Variants in TMEM117 observed in about 807,000 individuals in gnomAD.
The protein encoded by TMEM117 is transmembrane protein 117.
A neutral mutation model predicts 52.4 loss-of-function variants in TMEM117; 27 were observed. That is an observed-to-expected ratio of 0.51 (90% CI 0.38 to 0.71). The LOEUF (loss-of-function observed/expected upper bound fraction) is 0.71, where lower values mean the gene tolerates loss of function less well. Ranked by LOEUF, TMEM117 falls within the 30% of genes least tolerant of loss-of-function variation. The pLI is 0.00. For synonymous variants in TMEM117, 215 were observed against 206.3 expected (o/e 1.04, Z -0.36); for missense variants, 556 against 630.5 (o/e 0.88, Z 1.26).
At chr12:44,138,447 T>A (rs973947499) in intron 3 of TMEM117, among the ~76,000 whole-genome samples, 2 of 152,102 alleles carry the variant, frequency 1.3e-5, no homozygotes. Context: ...TTTCACTGAA[T>A]GGGCTGAAGT....
chr12:44,219,857 T>C lies in TMEM117; in HGVS notation c.608+8470T>C, dbSNP rs146292446. 5.7e-4 allele frequency among the ~76,000 whole-genome samples: 87 copies of C among 152,276 alleles called. 2 individuals carry two copies. The highest frequency in any genetic ancestry group is 1.9e-3 in the African/African-American group (80 of 41,582). ...GCATTGGTTGCAAGAACAGTTGGTA[T>C]CTAAAGTTCTTTGCATTCTAAAATA... On this transcript the variant is annotated intron_variant, in intron 5 of 7. Transcript: ENST00000266534.
At chr12:44,006,357 T>C (rs1946196160) in intron 3 of TMEM117, among the ~76,000 whole-genome samples, 1 of 152,208 alleles carries the variant, frequency 6.6e-6, no homozygotes, top group African/African-American at 2.4e-5. Flanking sequence ...TTGTAATTCC[T>C]TGACAGAAGA....
the TMEM117 span, chr12:43,799,633 A>T: frequency 1.9e-6 from 1 of 517,848 alleles, no homozygotes; most frequent in Non-Finnish European, 3.3e-6. Flanking sequence ...GAATTTTAAT[A>T]TCTTTTTACT....
intron 2 of TMEM117, among the ~76,000 whole-genome samples, chr12:43,908,939 G>A (rs1327178287): frequency 1.0e-4 from 14 of 140,062 alleles, no homozygotes; most frequent in Admixed American, 6.0e-4. Context: ...ACAGATCAAC[G>A]AGACAGAAAG....
the TMEM117 span, among the ~76,000 whole-genome samples, chr12:43,820,231 G>A: frequency 6.6e-6 from 1 of 152,120 alleles, no homozygotes; most frequent in Non-Finnish European, 1.5e-5. Context: ...CCAAGTAGCT[G>A]GGACTACAGG....
chr12:43,844,237 G>A (rs1943161857), intron 1 of TMEM117, among the ~76,000 whole-genome samples: 2 of 152,192 alleles, frequency 1.3e-5, no homozygotes, highest in Admixed American at 1.3e-4. Context: ...TGAGGTGGGA[G>A]GATCACTTGA....
chr12:43,978,563 G>C (rs1017865070), intron 3 of TMEM117, among the ~76,000 whole-genome samples: 8 of 152,108 alleles, frequency 5.3e-5, no homozygotes, highest in African/African-American at 1.9e-4. Flanking sequence ...CTTTAGGTAT[G>C]GGGGAGTGAA....
Position 44,388,666 on chromosome 12 carries a change from G to T in TMEM117, c.1539G>T (p.Thr513=). ...QDPTTSKSTP[T]N is the part of the protein sequence containing the mutation. ...CAACGACTTCTAAAAGTACACCTAC[G>T]AACTAGACTCGGAGATAGACTTGGA... Residue 513 remains threonine, a synonymous_variant, in exon 8 of 8, where the codon ACG becomes ACT. Coordinates refer to ENST00000266534, the MANE Select transcript of TMEM117 (RefSeq NM_032256.3). 2 of 1,612,460 alleles carry T rather than the reference G, an allele frequency of 1.2e-6. No homozygotes were observed.
intron 6 of TMEM117, among the ~76,000 whole-genome samples, chr12:44,352,648 G>A (rs1951581509): frequency 6.6e-6 from 1 of 152,064 alleles, no homozygotes; most frequent in Admixed American, 6.6e-5. Context: ...TGGCTGCTTA[G>A]TATTCCATGG....
intron 5 of TMEM117, among the ~76,000 whole-genome samples, chr12:44,292,393 C>A (rs1185652325): frequency 6.6e-6 from 1 of 151,462 alleles, no homozygotes; most frequent in African/African-American, 2.4e-5. Flanking sequence ...TTTATATTTT[C>A]AAAAAACCAA....
At chr12:44,105,168 T>C (rs568863986) in intron 3 of TMEM117, among the ~76,000 whole-genome samples, 1 of 152,122 alleles carries the variant, frequency 6.6e-6, no homozygotes, top group South Asian at 2.1e-4. Context: ...TTTTTTTCAG[T>C]CTTTTTTCCC....
At chr12:43,973,548 ATGACTTAAC>A (rs1294869915) in intron 3 of TMEM117, among the ~76,000 whole-genome samples, 1 of 152,202 alleles carries the variant, frequency 6.6e-6, no homozygotes, top group African/African-American at 2.4e-5. Context: ...TAATTAGGTT[ATGACTTAAC>A]TGCGAGTGTA....
chr12:44,187,251 T>A (rs770421243), intron 4 of TMEM117, among the ~76,000 whole-genome samples: 1 of 152,134 alleles, frequency 6.6e-6, no homozygotes, highest in Non-Finnish European at 1.5e-5. Context: ...GGGAAAAAAA[T>A]CAAGGTCATC....
intron 5 of TMEM117, among the ~76,000 whole-genome samples, chr12:44,216,936 A>T (rs935335428): frequency 2.0e-5 from 3 of 152,136 alleles, no homozygotes; most frequent in African/African-American, 7.2e-5. Flanking sequence ...CTTAATCATA[A>T]TTATCTTAAT....
chr12:43,928,755 C>T (rs1317170520), intron 2 of TMEM117, among the ~76,000 whole-genome samples: 1 of 127,842 alleles, frequency 7.8e-6, no homozygotes, highest in Admixed American at 8.6e-5. Context: ...TCCCCCCACC[C>T]CACAACAGTC....
chr12:44,341,284 G>A (rs893207668), intron 6 of TMEM117, among the ~76,000 whole-genome samples: 19 of 151,776 alleles, frequency 1.3e-4, no homozygotes, highest in Non-Finnish European at 2.1e-4. Context: ...TTACAGACAT[G>A]AGCCACCATG....
rs76951879 is a variant in TMEM117, at chr12:43,974,869, A to G, written c.410+30527A>G. Among the ~76,000 whole-genome samples the G allele has an allele frequency of 7.5e-3, 1,145 of 152,196 alleles. 17 individuals carry two copies. Among genetic ancestry groups the G allele is most frequent in the African/African-American group, 0.027 (1,101 of 41,538 alleles). Reference sequence around the variant, plus strand: ...AATGAATAATTTAGTTTCCTTAGTGATAGTTTCCATGATGTTATAACTAAC... The same window carrying G: ...AATGAATAATTTAGTTTCCTTAGTGGTAGTTTCCATGATGTTATAACTAAC... On this transcript the variant is annotated intron_variant, in intron 3 of 7. Coordinates refer to ENST00000266534, the MANE Select transcript of TMEM117 (RefSeq NM_032256.3).
chr12:43,820,923 G>A, the TMEM117 span, among the ~76,000 whole-genome samples: 4 of 151,572 alleles, frequency 2.6e-5, no homozygotes, highest in African/African-American at 9.7e-5. Flanking sequence ...GTGAAACCCC[G>A]TCTCTACTAA....
intron 2 of TMEM117, among the ~76,000 whole-genome samples, chr12:43,898,427 G>A (rs998802092): frequency 6.6e-6 from 1 of 150,746 alleles, no homozygotes; most frequent in African/African-American, 2.4e-5. Context: ...AGGACATATT[G>A]TGATTAATAA....
Sources: allele counts gnomAD v4.1 joint callset (sites outside exome capture counted in the v4.1 genomes callset), GRCh38; gene constraint gnomAD v4.1.1; transcripts MANE v1.5; gene names NCBI Gene and HGNC (gene_info 2026-07-23, HGNC 2026-07-21).